IP6K3: variants seen among roughly 807,000 people sequenced by gnomAD.
The protein encoded by IP6K3 is inositol hexakisphosphate kinase 3, also known as ATP:1D-myo-inositol-hexakisphosphate phosphotransferase.
A neutral mutation model predicts 28.8 loss-of-function variants in IP6K3; 20 were observed. That is an observed-to-expected ratio of 0.70 (90% confidence interval 0.49 to 1.01). The LOEUF (loss-of-function observed/expected upper bound fraction) is 1.01. Among genes scored for constraint, IP6K3 ranks in the 50% least tolerant of loss-of-function variants. The pLI is 0.00. For missense variants in IP6K3, 480 were observed against 537.1 expected, an observed-to-expected ratio of 0.89 and a Z score of 1.05; for synonymous variants, 213 against 221.3, an observed-to-expected ratio of 0.96 and a Z score of 0.33.
chr6:33,747,777 G>A (rs1020445663), upstream of IP6K3, among the ~76,000 whole-genome samples: 33 of 152,270 alleles, frequency 2.2e-4, 1 homozygote, highest in Middle Eastern at 3.4e-3. The surrounding 1 kb of genome is among the most constrained non-coding windows in gnomAD (Gnocchi z 5.2). Flanking sequence ...GCCTCTGGGA[G>A]GAACTGAGGT....
chr6:33,728,401 T>TG, intron 2 of IP6K3, 101 bp from the exon 3 acceptor site: 1 of 1,047,520 alleles, frequency 9.5e-7, no homozygotes, highest in Non-Finnish European at 1.4e-6. Context: ...TTAATGGCCC[T>TG]GGTCCACCTC....
At chr6:33,729,348 A>G (rs6457740) in intron 2 of IP6K3, among the ~76,000 whole-genome samples, 102,340 of 152,134 alleles carry the variant, frequency 0.67, 36,128 homozygotes, top group East Asian at 0.96. Context: ...CCTCTCTCCT[A>G]ATGCGCTCAC....
At chr6:33,756,174 TTA>T in the IP6K3 span, among the ~76,000 whole-genome samples, 1 of 152,156 alleles carries the variant, frequency 6.6e-6, no homozygotes, top group Non-Finnish European at 1.5e-5. Context: ...TAAAATTTTT[TTA>T]AAAAGTAAAA....
At chr6:33,749,066 C>A (rs967564552), upstream of IP6K3, among the ~76,000 whole-genome samples, 4 of 152,106 alleles carry the variant, frequency 2.6e-5, no homozygotes, top group African/African-American at 9.7e-5. Flanking sequence ...CCCTATCAGG[C>A]TGGACTCACA....
chr6:33,760,630 C>T, the IP6K3 span, among the ~76,000 whole-genome samples: 11 of 152,288 alleles, frequency 7.2e-5, no homozygotes, highest in East Asian at 2.1e-3. Flanking sequence ...TGGGTTCAAG[C>T]GATTCTCCTG....
chr6:33,755,033 G>A, the IP6K3 span, among the ~76,000 whole-genome samples: 1 of 152,196 alleles, frequency 6.6e-6, no homozygotes, highest in Admixed American at 6.5e-5. Context: ...GGAATCCCCT[G>A]GGAAGCTGCC....
chr6:33,753,461 G>A, the IP6K3 span, among the ~76,000 whole-genome samples: 1 of 152,090 alleles, frequency 6.6e-6, no homozygotes, highest in Non-Finnish European at 1.5e-5. Context: ...ATCCAAGCTG[G>A]GCCTTGAAGG....
upstream of IP6K3, among the ~76,000 whole-genome samples, chr6:33,749,649 C>T (rs1417546921): frequency 2.7e-5 from 4 of 149,568 alleles, no homozygotes; most frequent in Non-Finnish European, 5.9e-5. Context: ...TGTGTGTGTG[C>T]GCGCGGCCCC....
chr6:33,741,538 C>A (rs577535135), intron 1 of IP6K3, among the ~76,000 whole-genome samples: 2 of 145,030 alleles, frequency 1.4e-5, no homozygotes, highest in East Asian at 4.3e-4. Context: ...CCCAGCTACT[C>A]GGGAGGCTGA....
At chr6:33,733,126 CAG>C (rs1766374726) in intron 2 of IP6K3, among the ~76,000 whole-genome samples, 1 of 152,246 alleles carries the variant, frequency 6.6e-6, no homozygotes, top group Admixed American at 6.5e-5. Flanking sequence ...TGAAGGGTGT[CAG>C]GGGGTGCCCT....
chr6:33,750,392 C>G (rs1767006748), upstream of IP6K3, among the ~76,000 whole-genome samples: 1 of 152,222 alleles, frequency 6.6e-6, no homozygotes. This position sits in a 1 kb window ranked among gnomAD's most constrained non-coding sequence, Gnocchi z 4.3. Flanking sequence ...CCTCCTCAGC[C>G]CCACCTCACA....
At chr6:33,753,501 T>C in the IP6K3 span, among the ~76,000 whole-genome samples, 1 of 151,606 alleles carries the variant, frequency 6.6e-6, no homozygotes, top group African/African-American at 2.4e-5. Flanking sequence ...AGCAGAGAAG[T>C]GAATGAAGGG....
intron 2 of IP6K3, among the ~76,000 whole-genome samples, chr6:33,732,164 G>A (rs1766343926): frequency 6.6e-6 from 1 of 152,220 alleles, no homozygotes; most frequent in Non-Finnish European, 1.5e-5. Context: ...CGGCAGCCTG[G>A]CAGGAGAGGG....
At position 33,725,603 on chromosome 6, in the gene IP6K3, C is replaced by T. The variant is rs1267492617; in HGVS notation, c.603G>A (p.Leu201=). Residue 201 remains leucine (L), a synonymous_variant, in exon 5 of 6, where the codon CTG becomes CTA. Coordinates refer to ENST00000293756, the MANE Select transcript of IP6K3 (RefSeq NM_054111.5). ...GCGTGTACTGTGACACTACATTTTC[C>T]AGCAACAAGAACCCTAGTCACACTA... ...PENKRHRFLL[L]ENVVSQYTHP... 3 of 1,613,786 alleles carry T rather than the reference C, an allele frequency of 1.9e-6. No homozygotes were observed. Among genetic ancestry groups the T allele is most frequent in the African/African-American group, 2.7e-5 (2 of 74,910 alleles).
chr6:33,740,199 G>C (rs6929527), intron 1 of IP6K3, among the ~76,000 whole-genome samples: 2 of 152,122 alleles, frequency 1.3e-5, no homozygotes, highest in Admixed American at 6.5e-5. Context: ...GGAGGCATAG[G>C]GGGAGTAAGA....
chr6:33,728,198 G>C lies in IP6K3; in HGVS notation c.302C>G (p.Ser101Trp). The C allele has an allele frequency of 1.2e-6, 2 of 1,614,058 alleles. No individual in the cohort carries two copies. The highest frequency in any genetic ancestry group is 2.2e-5 in the East Asian group (1 of 44,870). Reference sequence around the variant, plus strand: ...CGTCTGCCATATGGCCACCGCCGCCGACTCTGTGGAGACCTTGAAGGGCTC... The same window carrying C: ...CGTCTGCCATATGGCCACCGCCGCCCACTCTGTGGAGACCTTGAAGGGCTC... The part of the protein sequence containing the change: ...SQEPFKVSTE[S>W]AAVAIWQTLQ... Residue 101 changes from serine (S) to tryptophan (W), a missense_variant, in exon 3 of 6, where the codon TCG becomes TGG. Ser to Trp is a radical substitution (Grantham distance 177). Coordinates refer to ENST00000293756, the MANE Select transcript of IP6K3 (RefSeq NM_054111.5).
chr6:33,748,642 CAAAAAAAAAAA>C (rs35735336), upstream of IP6K3, among the ~76,000 whole-genome samples: 3 of 38,340 alleles, frequency 7.8e-5, no homozygotes, highest in East Asian at 1.1e-3. Context: ...ACCCTGTCTC[CAAAAAAAAAAA>C]AAAAAAAAAA....
chr6:33,754,109 G>A, the IP6K3 span, among the ~76,000 whole-genome samples: 3 of 152,208 alleles, frequency 2.0e-5, no homozygotes, highest in African/African-American at 7.2e-5. Context: ...GCGCCCGGTG[G>A]CCTATTATTT....
In IP6K3 at chr6:33,744,563, C is replaced by T. The variant is rs932347258; in HGVS notation, c.-180+2195G>A. 6.6e-6 allele frequency among the ~76,000 whole-genome samples: 1 copy of T among 152,022 alleles called. No homozygotes were observed. The highest frequency in any genetic ancestry group is 2.4e-5 in the African/African-American group (1 of 41,370). ...GAGGGAGAATGCAGGCAAGGTTTTT[C>T]CCCACCAGAGGGCAGCAGCACACAC... On this transcript the variant is annotated intron_variant, in intron 1 of 5. Transcript: ENST00000293756. This position sits in a 1 kb window ranked among gnomAD's most constrained non-coding sequence, Gnocchi z 4.4.
Sources: gnomAD v4.1 joint callset for allele counts (sites outside exome capture counted in the v4.1 genomes callset) on GRCh38, gnomAD v4.1.1 for gene constraint, Gnocchi (gnomAD v3.1) non-coding constraint, MANE v1.5 for transcripts, NCBI Gene and HGNC (gene_info 2026-07-23, HGNC 2026-07-21) for gene names.